The following KIF25 variants were observed in gnomAD, a reference collection of about 807,000 sequenced individuals.
The protein encoded by KIF25 is kinesin family member 25, also known as kinesin-like protein KIF25.
A neutral mutation model predicts 32.9 loss-of-function variants in KIF25; 19 were observed. That is an observed-to-expected ratio of 0.58 (90% CI 0.40 to 0.85). KIF25 has a LOEUF of 0.85. KIF25 is among the 40% of genes least tolerant of loss of function. KIF25 has a pLI of 0.00. For missense variants in KIF25, 485 were observed against 507.0 expected (o/e 0.96, Z 0.42); for synonymous variants, 225 against 213.7 (o/e 1.05, Z -0.46).
At chr6:168,009,342 G>A (rs761064152) in intron 4 of KIF25, among the ~76,000 whole-genome samples, 2 of 149,450 alleles carry the variant, frequency 1.3e-5, no homozygotes, top group Non-Finnish European at 3.0e-5. Flanking sequence ...CATGATTTTT[G>A]TCCTTCATTC....
intron 4 of KIF25, among the ~76,000 whole-genome samples, chr6:168,011,818 T>A (rs529654163): frequency 6.6e-6 from 1 of 152,330 alleles, no homozygotes; most frequent in South Asian, 2.1e-4. Flanking sequence ...AAATATTGAT[T>A]CACTTAATGC....
At chr6:168,034,144 C>G (rs1358758557) in intron 8 of KIF25, 113 bp downstream of exon 8, 9 of 1,070,538 alleles carry the variant, frequency 8.4e-6, no homozygotes, top group Admixed American at 2.2e-5. Flanking sequence ...GTGATCAAAC[C>G]CCATAATCTC....
chr6:168,040,677 C>T (rs1213241110), intron 10 of KIF25, among the ~76,000 whole-genome samples: 1 of 152,122 alleles, frequency 6.6e-6, no homozygotes, highest in East Asian at 1.9e-4. Flanking sequence ...ATCTGCATCC[C>T]AAACCCAAAA....
intron 11 of KIF25, among the ~76,000 whole-genome samples, 183 bp downstream of exon 11, chr6:168,042,334 G>A (rs1417801026): frequency 6.6e-6 from 1 of 152,194 alleles, no homozygotes; most frequent in African/African-American, 2.4e-5. Context: ...GGCAACCCGA[G>A]AGTCGTGTTC....
At chr6:168,013,420 G>A (rs945548338) in intron 4 of KIF25, among the ~76,000 whole-genome samples, 1 of 152,026 alleles carries the variant, frequency 6.6e-6, no homozygotes, top group Non-Finnish European at 1.5e-5. Flanking sequence ...TTGGAGTCAT[G>A]AAGATGGAGC....
In KIF25 at chr6:167,998,857, G is replaced by C. The variant is rs558816005; in HGVS notation, c.-612G>C. 1 of 152,298 alleles carries C rather than the reference G, an allele frequency of 6.6e-6. No individual in the cohort carries two copies. The highest frequency in any genetic ancestry group is 2.4e-5 in the African/African-American group (1 of 41,554). The allele number at this position is 152,298 out of a possible 1,614,324, so 9.4% of individuals were successfully genotyped here. ...ACCTGAGGTCAGGAGTTCGAGACCA[G>C]CTTGGCCAACATGGTAAAAACCCTT... On this transcript the variant is annotated 5_prime_UTR_variant, in exon 1 of 13. Coordinates refer to ENST00000643607, the MANE Select transcript of KIF25 (RefSeq NM_030615.4).
intron 5 of KIF25, among the ~76,000 whole-genome samples, chr6:168,027,116 G>A (rs1798870845): frequency 6.6e-6 from 1 of 152,098 alleles, no homozygotes; most frequent in Non-Finnish European, 1.5e-5. Flanking sequence ...CCTCGACCTG[G>A]GGCTTGACAG....
rs764572659 is a variant in KIF25 at position 168,042,120 on chromosome 6, G to A, written c.798G>A (p.Gln266=). ...CGGAGCAGGTGCAGGCTCGACTACA[G>A]CTCGTGGACTCGGCCGGCAGCGAGT... The part of the protein sequence containing the change: ...GHAEQVQARL[Q]LVDSAGSECV... The change falls in exon 11 of 13, where the codon CAG becomes CAA. Residue 266 remains glutamine (Q), a synonymous_variant. Transcript: ENST00000643607. 6.4e-7 allele frequency: 1 copy of A among 1,550,908 alleles called. No individual in the cohort carries two copies. Among genetic ancestry groups the A allele is most frequent in the South Asian group, 1.2e-5 (1 of 84,028 alleles).
intron 12 of KIF25, among the ~76,000 whole-genome samples, chr6:168,044,118 C>T (rs1050455823): frequency 7.2e-5 from 11 of 151,756 alleles, no homozygotes; most frequent in Non-Finnish European, 1.5e-5. Flanking sequence ...AGGCCTGCAG[C>T]TTCCCCAGGT....
chr6:168,028,032 C>G (rs562359290), intron 5 of KIF25, among the ~76,000 whole-genome samples: 1 of 152,082 alleles, frequency 6.6e-6, no homozygotes, highest in South Asian at 2.1e-4. Context: ...GAAGAACCCC[C>G]CTGTGGACTC....
intron 7 of KIF25, among the ~76,000 whole-genome samples, chr6:168,032,822 A>C (rs924417304): frequency 1.3e-5 from 2 of 152,122 alleles, no homozygotes; most frequent in Non-Finnish European, 2.9e-5. Context: ...TCCCCAGATG[A>C]CTCGGACGGG....
chr6:168,040,573 AAAG>A (rs548723895), intron 10 of KIF25, among the ~76,000 whole-genome samples: 19 of 151,556 alleles, frequency 1.3e-4, no homozygotes, highest in South Asian at 2.1e-4. Context: ...TTAAAAAAAA[AAAG>A]AAGAAGAAGA....
At chr6:168,041,818 T>C in intron 10 of KIF25, 151 bp from the exon 11 acceptor site, 1 of 705,930 alleles carries the variant, frequency 1.4e-6, no homozygotes, top group Non-Finnish European at 2.3e-6. Flanking sequence ...CACTATCCCC[T>C]GGACCTCTGC....
intron 7 of KIF25, among the ~76,000 whole-genome samples, chr6:168,032,869 C>G (rs983082747): frequency 6.6e-6 from 1 of 152,138 alleles, no homozygotes; most frequent in African/African-American, 2.4e-5. Flanking sequence ...AGGCATGAAC[C>G]CACTTAGCAT....
intron 4 of KIF25, among the ~76,000 whole-genome samples, chr6:168,008,675 T>A (rs1207260572): frequency 1.3e-5 from 2 of 152,218 alleles, no homozygotes; most frequent in African/African-American, 4.8e-5. Flanking sequence ...TATTGTCATT[T>A]TAACAATTTT....
intron 3 of KIF25, 66 bp from the exon 4 acceptor site, chr6:168,003,548 A>C (rs1208838136): frequency 2.6e-5 from 4 of 152,106 alleles, no homozygotes; most frequent in Non-Finnish European, 5.9e-5. Context: ...TTAGAGGCTG[A>C]ATGTTAGGAA....
chr6:168,007,746 C>T (rs574144039), intron 4 of KIF25, among the ~76,000 whole-genome samples: 10 of 151,682 alleles, frequency 6.6e-5, no homozygotes, highest in South Asian at 2.1e-4. Flanking sequence ...TGATGGCTCC[C>T]GTTGTTAGGG....
At chr6:168,024,028 A>T (rs1298590565) in intron 5 of KIF25, among the ~76,000 whole-genome samples, 1 of 152,254 alleles carries the variant, frequency 6.6e-6, no homozygotes, top group African/African-American at 2.4e-5. Context: ...TGAATACTCA[A>T]GAAAATTTTC....
chr6:168,042,239 G>A, intron 11 of KIF25, 88 bp downstream of exon 11: 2 of 1,342,372 alleles, frequency 1.5e-6, no homozygotes, highest in Non-Finnish European at 1.0e-6. Flanking sequence ...GGCAGCCCGG[G>A]AAGCTCTGGG....
Sources: gnomAD v4.1 joint callset for allele counts (sites outside exome capture counted in the v4.1 genomes callset) on GRCh38, gnomAD v4.1.1 for gene constraint, MANE v1.5 for transcripts, NCBI Gene and HGNC (gene_info 2026-07-23, HGNC 2026-07-21) for gene names.